Variants in TTC6 observed in about 807,000 individuals in gnomAD.
TTC6 encodes the protein tetratricopeptide repeat protein 6.
A neutral mutation model predicts 210.4 loss-of-function variants in TTC6; 172 were observed. That is an observed-to-expected ratio of 0.82 (90% confidence interval 0.72 to 0.93). TTC6 has a LOEUF of 0.93. Among genes scored for constraint, TTC6 ranks in the 40% least tolerant of loss-of-function variants. The pLI, the probability that TTC6 is intolerant of heterozygous loss-of-function variation, is 0.00. For missense variants in TTC6, 2,414 were observed against 2,318.1 expected (o/e 1.04, Z -0.85); for synonymous variants, 804 against 819.6 (o/e 0.98, Z 0.32).
chr14:37,711,884 C>T (rs1161572074), intron 5 of TTC6, among the ~76,000 whole-genome samples: 1 of 152,022 alleles, frequency 6.6e-6, no homozygotes, highest in Non-Finnish European at 1.5e-5. Flanking sequence ...CAGAAATAGT[C>T]ATTACTGTTG....
At chr14:37,602,073 C>G (rs1199414517) in intron 1 of TTC6, among the ~76,000 whole-genome samples, 2 of 152,202 alleles carry the variant, frequency 1.3e-5, no homozygotes, top group East Asian at 3.9e-4. Context: ...GCGCACCCGG[C>G]TTAGAGCGCG....
At chr14:37,683,307 T>A (rs1259911224) in intron 3 of TTC6, among the ~76,000 whole-genome samples, 19 of 152,246 alleles carry the variant, frequency 1.2e-4, no homozygotes. Context: ...ACTTGGTGAA[T>A]TTTATAGCTT....
chr14:37,770,655 GGT>G (rs2096015175), intron 14 of TTC6, among the ~76,000 whole-genome samples: 1 of 151,664 alleles, frequency 6.6e-6, no homozygotes, highest in Non-Finnish European at 1.5e-5. Context: ...TCATTTGCTT[GGT>G]GGATCTTCCT....
intron 14 of TTC6, among the ~76,000 whole-genome samples, chr14:37,757,183 G>A (rs545381392): frequency 2.6e-5 from 4 of 151,928 alleles, no homozygotes; most frequent in East Asian, 3.9e-4. Flanking sequence ...TGTGGGATCA[G>A]TGGTCATATC....
chr14:37,775,838 T>C (rs1229254621), intron 14 of TTC6, among the ~76,000 whole-genome samples: 2 of 152,182 alleles, frequency 1.3e-5, no homozygotes, highest in Non-Finnish European at 2.9e-5. Context: ...AGTTAGATCT[T>C]CTTGTTGGAT....
chr14:37,682,654 G>A (rs1001741952), intron 2 of TTC6, 104 bp from the exon 5 acceptor site: 2 of 936,358 alleles, frequency 2.1e-6, no homozygotes, highest in Non-Finnish European at 3.1e-6. Context: ...TTTCAAGCAT[G>A]CGTTTTCATA....
At position 37,767,663 on chromosome 14, in the gene TTC6, T is replaced by A. The variant is rs923569668; in HGVS notation, c.3266+14428T>A. Among the ~76,000 whole-genome samples the A allele has an allele frequency of 2.9e-3, 444 of 152,292 alleles. 1 individual carries two copies. Among genetic ancestry groups the A allele is most frequent in the African/African-American group, 0.01 (418 of 41,548 alleles). ...AATGGGGTTGTTTGTTTTTTTCTTG[T>A]AAATTTGTTTGAGTTCATTGTAGAT... On this transcript the variant is annotated intron_variant, in intron 14 of 30. Transcript: ENST00000553443.
exon 20 of TTC6, chr14:37,796,871 G>T: frequency 6.2e-7 from 1 of 1,611,154 alleles, no homozygotes. Context: ...GTCTTGGACG[G>T]AATCAGCTGG....
intron 6 of TTC6, chr14:37,720,340 A>G (rs912341309): frequency 6.6e-6 from 1 of 152,160 alleles, no homozygotes; most frequent in Non-Finnish European, 1.5e-5. Flanking sequence ...CCAGGCATGC[A>G]TACAACCCAG....
chr14:37,658,974 A>G (rs1274965146), intron 1 of TTC6, among the ~76,000 whole-genome samples: 1 of 151,950 alleles, frequency 6.6e-6, no homozygotes, highest in Non-Finnish European at 1.5e-5. Context: ...CCTTGTGTCC[A>G]TGAGTTCCTT....
At chr14:37,757,370 C>T (rs1034117160) in intron 14 of TTC6, among the ~76,000 whole-genome samples, 2 of 152,112 alleles carry the variant, frequency 1.3e-5, no homozygotes, top group South Asian at 2.1e-4. Flanking sequence ...ATGCCATTCT[C>T]CTGCCTCAGC....
In TTC6 at chr14:37,738,769, T is replaced by C. The variant is rs1167826642; in HGVS notation, c.1984-7T>C. 6.8e-7 allele frequency: 1 copy of C among 1,464,812 alleles called. No homozygotes were observed. Among genetic ancestry groups the C allele is most frequent in the Non-Finnish European group, 9.0e-7 (1 of 1,116,104 alleles). 90.7% of individuals were successfully genotyped at this position (1,464,812 alleles called of 1,614,324 possible). ...CGTTTTTTCTACCTCTTTGCTTGCTTACTAAGCGAGTAAAATCTTCTGTAG... is the reference window on the plus strand; with the variant it reads ...CGTTTTTTCTACCTCTTTGCTTGCTCACTAAGCGAGTAAAATCTTCTGTAG... On this transcript the variant is annotated splice_region_variant and splice_polypyrimidine_tract_variant and intron_variant, in intron 9 of 30. Coordinates refer to ENST00000553443, the Ensembl canonical transcript of TTC6.
intron 7 of TTC6, among the ~76,000 whole-genome samples, chr14:37,733,830 T>A (rs1313965875): frequency 6.6e-6 from 1 of 152,028 alleles, no homozygotes; most frequent in Non-Finnish European, 1.5e-5. Context: ...ATTAATTACC[T>A]TTTTTTCTCT....
intron 2 of TTC6, among the ~76,000 whole-genome samples, 183 bp downstream of exon 2, chr14:37,606,925 A>C (rs767860145): frequency 6.6e-6 from 1 of 152,210 alleles, no homozygotes; most frequent in Non-Finnish European, 1.5e-5. Flanking sequence ...GTTTATTTGC[A>C]TTACATTTGC....
chr14:37,622,603 A>G, exon 1 of TTC6: 2 of 1,534,472 alleles, frequency 1.3e-6, no homozygotes, highest in Non-Finnish European at 8.7e-7. Flanking sequence ...CGGGTCTTCC[A>G]CTTGGGAAGG....
At chr14:37,640,312 G>A (rs772583928) in intron 1 of TTC6, among the ~76,000 whole-genome samples, 27 of 152,004 alleles carry the variant, frequency 1.8e-4, no homozygotes, top group Non-Finnish European at 2.2e-4. Flanking sequence ...ATGGCCAGGT[G>A]CATTTGAATT....
At chr14:37,755,869 G>C (rs540464497) in intron 14 of TTC6, among the ~76,000 whole-genome samples, 1 of 152,172 alleles carries the variant, frequency 6.6e-6, no homozygotes, top group Non-Finnish European at 1.5e-5. Context: ...CTTTAAAATA[G>C]TTGTTTCTAA....
intron 1 of TTC6, among the ~76,000 whole-genome samples, chr14:37,633,173 A>C (rs2095673371): frequency 6.6e-6 from 1 of 152,172 alleles, no homozygotes; most frequent in African/African-American, 2.4e-5. Flanking sequence ...TGGGGTATGA[A>C]ATAAAAACTC....
chr14:37,752,787 A>C (rs6571820), intron 13 of TTC6, among the ~76,000 whole-genome samples: 1 of 151,836 alleles, frequency 6.6e-6, no homozygotes, highest in Non-Finnish European at 1.5e-5. Flanking sequence ...GATAGATCCA[A>C]TGAACTCCAC....
Sources: gnomAD v4.1 joint callset for allele counts (sites outside exome capture counted in the v4.1 genomes callset) on GRCh38, gnomAD v4.1.1 for gene constraint, MANE v1.5 for transcripts, NCBI Gene and HGNC (gene_info 2026-07-23, HGNC 2026-07-21) for gene names.